RSU1: variants seen among roughly 807,000 people sequenced by gnomAD.
The protein encoded by RSU1 is rsu-1.
In RSU1, 26 loss-of-function variants were observed where a neutral mutation model predicts 31.1. The ratio of observed to expected loss-of-function variants is 0.84; its 90% CI spans 0.61 to 1.16. RSU1 has a LOEUF of 1.16. RSU1 is among the 50% of genes most tolerant of loss of function. The pLI is 0.00. For missense variants in RSU1, 320 were observed against 339.1 expected (o/e 0.94, Z 0.44); for synonymous variants, 164 against 136.3 (o/e 1.20, Z -1.41).
At chr10:16,766,893 C>T (rs1485246988) in intron 3 of RSU1, among the ~76,000 whole-genome samples, 3 of 151,502 alleles carry the variant, frequency 2.0e-5, no homozygotes, top group South Asian at 2.1e-4. Flanking sequence ...GGCATGGTGG[C>T]GCATGCCTGT....
At chr10:16,621,714 A>G (rs1834074267) in intron 8 of RSU1, among the ~76,000 whole-genome samples, 1 of 152,080 alleles carries the variant, frequency 6.6e-6, no homozygotes, top group South Asian at 2.1e-4. Flanking sequence ...ATCAGATCTC[A>G]TGAGACTTAT....
chr10:16,752,869 A>C, intron 6 of RSU1, 49 bp downstream of exon 6: 3 of 1,511,436 alleles, frequency 2.0e-6, no homozygotes, highest in Non-Finnish European at 1.8e-6. Context: ...TACCCCTACA[A>C]GGCTGCAGCA....
chr10:16,705,363 T>C (rs745549363), intron 7 of RSU1, among the ~76,000 whole-genome samples: 9 of 152,248 alleles, frequency 5.9e-5, no homozygotes, highest in Non-Finnish European at 1.2e-4. Flanking sequence ...ACATCCTCTG[T>C]ATGTTTTAAA....
At chr10:16,766,608 G>C (rs1173245678) in intron 3 of RSU1, among the ~76,000 whole-genome samples, 1 of 152,074 alleles carries the variant, frequency 6.6e-6, no homozygotes, top group South Asian at 2.1e-4. Flanking sequence ...CCAGCTACTC[G>C]GGAAGCTGAG....
intron 2 of RSU1, among the ~76,000 whole-genome samples, chr10:16,793,789 T>C (rs570907703): frequency 6.6e-6 from 1 of 151,424 alleles, no homozygotes; most frequent in Non-Finnish European, 1.5e-5. Context: ...GGAGATGAAA[T>C]AAAACACTAG....
chr10:16,813,765 G>T (rs145592684), intron 2 of RSU1, among the ~76,000 whole-genome samples: 523 of 152,254 alleles, frequency 3.4e-3, no homozygotes, highest in African/African-American at 9.6e-3. Flanking sequence ...CTAGAATCTG[G>T]CTGGACTACT....
At chr10:16,722,578 C>A (rs556236868) in intron 7 of RSU1, among the ~76,000 whole-genome samples, 75 of 152,092 alleles carry the variant, frequency 4.9e-4, no homozygotes, top group Middle Eastern at 6.8e-3. Context: ...AGAGGTCTAG[C>A]TAGGTTGGGG....
chr10:16,778,199 G>T (rs1186393580), intron 3 of RSU1, among the ~76,000 whole-genome samples: 1 of 151,818 alleles, frequency 6.6e-6, no homozygotes, highest in Non-Finnish European at 1.5e-5. Flanking sequence ...GTCTTGCTAT[G>T]TTGCCCAGGC....
intron 8 of RSU1, 91 bp from the exon 9 acceptor site, chr10:16,593,587 C>A: frequency 2.1e-6 from 2 of 970,932 alleles, no homozygotes; most frequent in Non-Finnish European, 3.2e-6. Context: ...GAAGAATCTC[C>A]AAAAATATTC....
intron 2 of RSU1, among the ~76,000 whole-genome samples, chr10:16,783,035 C>T (rs959807889): frequency 2.0e-5 from 3 of 151,374 alleles, no homozygotes; most frequent in Admixed American, 6.6e-5. Flanking sequence ...CTCAGCCTCC[C>T]GTGTAGCTGA....
chr10:16,692,409 T>C (rs1026099247), intron 8 of RSU1, among the ~76,000 whole-genome samples: 3 of 152,288 alleles, frequency 2.0e-5, no homozygotes, highest in African/African-American at 7.2e-5. Flanking sequence ...CTATAAATTA[T>C]AAAGTGATCT....
intron 2 of RSU1, among the ~76,000 whole-genome samples, chr10:16,783,363 G>GTTTTTTTTTTT (rs1837698142): frequency 5.4e-5 from 5 of 92,806 alleles, no homozygotes; most frequent in African/African-American, 2.4e-4. Context: ...CACAACTTTT[G>GTTTTTTTTTTT]CTTTTTTTTT....
At chr10:16,603,900 T>G (rs1016411491) in intron 8 of RSU1, among the ~76,000 whole-genome samples, 2 of 152,224 alleles carry the variant, frequency 1.3e-5, no homozygotes, top group African/African-American at 4.8e-5. Flanking sequence ...GAATTATTTT[T>G]GTATGGGCAA....
intron 3 of RSU1, among the ~76,000 whole-genome samples, chr10:16,768,687 C>T (rs1340894505): frequency 1.3e-5 from 2 of 152,194 alleles, no homozygotes; most frequent in Non-Finnish European, 2.9e-5. Flanking sequence ...CTAACACACC[C>T]GGCATGACCT....
chr10:16,616,479 A>G (rs894968984), intron 8 of RSU1, among the ~76,000 whole-genome samples: 5 of 152,090 alleles, frequency 3.3e-5, no homozygotes, highest in African/African-American at 1.2e-4. Context: ...ATTCCAAATA[A>G]TAGAAAAAGA....
At chr10:16,630,992 G>A (rs1330927054) in intron 8 of RSU1, among the ~76,000 whole-genome samples, 3 of 152,162 alleles carry the variant, frequency 2.0e-5, no homozygotes, top group Admixed American at 6.5e-5. Context: ...CAGTCCAAAA[G>A]TTTCCTGGCT....
At chr10:16,700,223 C>A (rs571470290) in intron 7 of RSU1, among the ~76,000 whole-genome samples, 1 of 152,112 alleles carries the variant, frequency 6.6e-6, no homozygotes, top group Non-Finnish European at 1.5e-5. Context: ...AAGTAGCATT[C>A]CCTCCCTTCC....
At position 16,593,082 on chromosome 10, in the gene RSU1, T is replaced by C; in HGVS notation, c.*312A>G. Reference sequence around the variant, plus strand: ...TACATGATTTTAATTATTCTTTTGATAATAAGCAACCTTGTGATATCTATT... The same window carrying C: ...TACATGATTTTAATTATTCTTTTGACAATAAGCAACCTTGTGATATCTATT... On this transcript the variant is annotated 3_prime_UTR_variant, in exon 9 of 9. Coordinates refer to ENST00000345264, the MANE Select transcript of RSU1 (RefSeq NM_012425.4). 1 of 226,994 alleles carries C rather than the reference T, an allele frequency of 4.4e-6. No individual in the cohort carries two copies. The highest frequency in any genetic ancestry group is 9.2e-5 in the East Asian group (1 of 10,844). The allele number at this position is 226,994 out of a possible 1,614,324, so 14.1% of individuals were successfully genotyped here.
At chr10:16,704,797 A>C (rs60834344) in intron 7 of RSU1, among the ~76,000 whole-genome samples, 2,337 of 152,316 alleles carry the variant, frequency 0.015, 53 homozygotes, top group East Asian at 0.082. Flanking sequence ...TATTTTTAAA[A>C]AAATAAAATA....
Sources: allele counts gnomAD v4.1 joint callset (sites outside exome capture counted in the v4.1 genomes callset), GRCh38; gene constraint gnomAD v4.1.1; transcripts MANE v1.5; gene names NCBI Gene and HGNC (gene_info 2026-07-23, HGNC 2026-07-21).